Variants in JMJD1C observed in about 807,000 individuals in gnomAD.
JMJD1C encodes jumonji domain containing 1C, also known as jumonji domain-containing protein 1C.
Under a neutral mutation model 245.3 loss-of-function variants are expected in JMJD1C, and 31 were observed. That is an observed-to-expected ratio of 0.13 (90% CI 0.09 to 0.17). JMJD1C has a LOEUF of 0.17. JMJD1C is among the 10% of genes least tolerant of loss of function. JMJD1C has a pLI of 1.00. For synonymous variants in JMJD1C, 1,057 were observed against 1,017.4 expected (o/e 1.04, Z -0.74); for missense variants, 2,691 against 3,000.2 (o/e 0.90, Z 2.41).
intron 1 of JMJD1C, among the ~76,000 whole-genome samples, chr10:63,387,988 A>G (rs1341226309): frequency 6.6e-6 from 1 of 152,130 alleles, no homozygotes; most frequent in Non-Finnish European, 1.5e-5. Flanking sequence ...CATCACATAT[A>G]GGACATCATA....
chr10:63,305,629 C>CGCGT (rs1554880823), intron 2 of JMJD1C, among the ~76,000 whole-genome samples: 1 of 121,682 alleles, frequency 8.2e-6, no homozygotes, highest in Non-Finnish European at 1.7e-5. Flanking sequence ...ACCATGCTGG[C>CGCGT]GTGTGTGTGT....
At chr10:63,270,156 T>C (rs1251972428) in intron 2 of JMJD1C, among the ~76,000 whole-genome samples, 2 of 152,186 alleles carry the variant, frequency 1.3e-5, no homozygotes, top group Non-Finnish European at 2.9e-5. Flanking sequence ...AAGAATGCTC[T>C]AATAGTAAGT....
At chr10:63,337,301 G>A (rs1942837823) in intron 2 of JMJD1C, among the ~76,000 whole-genome samples, 1 of 150,884 alleles carries the variant, frequency 6.6e-6, no homozygotes, top group Admixed American at 6.6e-5. Context: ...AATTAGCCGG[G>A]CGTGGTGGCA....
intron 1 of JMJD1C, among the ~76,000 whole-genome samples, chr10:63,383,789 G>C (rs1393814481): frequency 6.6e-6 from 1 of 152,200 alleles, no homozygotes; most frequent in Non-Finnish European, 1.5e-5. Flanking sequence ...AGCTTTCAGA[G>C]AGTTGTAGTA....
intron 1 of JMJD1C, among the ~76,000 whole-genome samples, chr10:63,431,788 C>A (rs1309565565): frequency 1.3e-5 from 2 of 152,112 alleles, no homozygotes; most frequent in Middle Eastern, 3.2e-3. Context: ...CCGAGGCGGG[C>A]GGATCACGAG....
At chr10:63,510,743 T>C (rs1027634666) in intron 1 of JMJD1C, among the ~76,000 whole-genome samples, 3 of 152,260 alleles carry the variant, frequency 2.0e-5, no homozygotes, top group African/African-American at 7.2e-5. Context: ...TATGTCTTTA[T>C]TGATTTTTTG....
At chr10:63,220,005 A>G in intron 3 of JMJD1C, 22 bp from the exon 4 acceptor site, 1 of 1,563,984 alleles carries the variant, frequency 6.4e-7, no homozygotes, top group Non-Finnish European at 8.8e-7. Flanking sequence ...GATTAAAAGA[A>G]AGGTCCATGT....
intron 2 of JMJD1C, among the ~76,000 whole-genome samples, chr10:63,318,665 A>T (rs1412343013): frequency 6.6e-6 from 1 of 152,114 alleles, no homozygotes; most frequent in Non-Finnish European, 1.5e-5. Flanking sequence ...TTTTCTAAAC[A>T]AACTGGAATT....
intron 3 of JMJD1C, among the ~76,000 whole-genome samples, chr10:63,261,429 A>T (rs1343986043): frequency 6.6e-6 from 1 of 152,096 alleles, no homozygotes; most frequent in Non-Finnish European, 1.5e-5. Context: ...GAAAATACAA[A>T]TATTAGCTGG....
chr10:63,191,186 C>G, intron 16 of JMJD1C, 78 bp from the exon 17 acceptor site: 1 of 1,152,116 alleles, frequency 8.7e-7, no homozygotes, highest in South Asian at 1.3e-5. Flanking sequence ...GGCTGGAGTG[C>G]AGTGGCGTGA....
intron 1 of JMJD1C, among the ~76,000 whole-genome samples, chr10:63,452,343 C>T (rs1004586028): frequency 6.6e-6 from 1 of 152,124 alleles, no homozygotes; most frequent in Non-Finnish European, 1.5e-5. Context: ...AAAAGATGCT[C>T]AAAAATCACT....
Position 63,242,462 on chromosome 10 carries a change from C to T in JMJD1C, c.447+22189G>A, listed in dbSNP as rs530923563. ...GCAGGCCGGGCGTAGTGGCTCATACCTGTAATCCCAGCACTTTGGGAGGCC... is the reference window on the plus strand; with the variant it reads ...GCAGGCCGGGCGTAGTGGCTCATACTTGTAATCCCAGCACTTTGGGAGGCC... On this transcript the variant is annotated intron_variant, in intron 3 of 25. Coordinates refer to ENST00000399262, the MANE Select transcript of JMJD1C (RefSeq NM_032776.3). 7.2e-5 allele frequency among the ~76,000 whole-genome samples: 11 copies of T among 152,318 alleles called. No homozygotes were observed. The East Asian group carries it at 2.1e-3, about 29-fold the overall frequency.
chr10:63,510,249 C>G (rs1173693666), intron 1 of JMJD1C, among the ~76,000 whole-genome samples: 1 of 151,878 alleles, frequency 6.6e-6, no homozygotes, highest in Non-Finnish European at 1.5e-5. Flanking sequence ...GTGATCCACC[C>G]CCCTCGGCCT....
intron 3 of JMJD1C, among the ~76,000 whole-genome samples, chr10:63,228,452 A>C (rs960645776): frequency 1.3e-5 from 2 of 152,126 alleles, no homozygotes; most frequent in Non-Finnish European, 2.9e-5. Context: ...AGAAGTTCAA[A>C]GCTACAGTGA....
At chr10:63,328,337 A>G in intron 2 of JMJD1C, among the ~76,000 whole-genome samples, 1 of 152,122 alleles carries the variant, frequency 6.6e-6, no homozygotes, top group Non-Finnish European at 1.5e-5. Flanking sequence ...AGCTTGTCAC[A>G]TATATAAAAA....
chr10:63,232,277 T>C (rs1264725241), intron 3 of JMJD1C, among the ~76,000 whole-genome samples: 1 of 152,190 alleles, frequency 6.6e-6, no homozygotes, highest in African/African-American at 2.4e-5. Context: ...TTTTCAAAGT[T>C]GTCCTGATTA....
At chr10:63,237,832 G>A (rs1850928556) in intron 3 of JMJD1C, among the ~76,000 whole-genome samples, 3 of 151,648 alleles carry the variant, frequency 2.0e-5, no homozygotes, top group Admixed American at 6.6e-5. Context: ...TTTTGGATTA[G>A]GGATACTCAA....
chr10:63,433,136 G>C (rs1337474249), intron 1 of JMJD1C, among the ~76,000 whole-genome samples: 1 of 151,156 alleles, frequency 6.6e-6, no homozygotes, highest in Non-Finnish European at 1.5e-5. Flanking sequence ...TTGTTGCCCA[G>C]GCTGGAGTGC....
In JMJD1C at chr10:63,223,125, T is replaced by C. The variant is rs569112632; in HGVS notation, c.448-3142A>G. The C allele has an allele frequency of 1.7e-5, 8 of 467,624 alleles. No individual in the cohort carries two copies. The East Asian group carries it at 2.3e-4, about 13-fold the overall frequency. 29.0% of individuals were successfully genotyped at this position (467,624 alleles called of 1,614,324 possible). On this transcript the variant is annotated intron_variant, in intron 3 of 25. Coordinates refer to ENST00000399262, the MANE Select transcript of JMJD1C (RefSeq NM_032776.3). The stretch of plus-strand genomic sequence containing the variant: ...CTTACCGATAGTTTCAGTAAAGAAA[T>C]TATCTGCAAAAAAAAAAAACCCAAA...
Sources: gnomAD v4.1 joint callset for allele counts (sites outside exome capture counted in the v4.1 genomes callset) on GRCh38, gnomAD v4.1.1 for gene constraint, MANE v1.5 for transcripts, NCBI Gene and HGNC (gene_info 2026-07-23, HGNC 2026-07-21) for gene names.